MAST4: variants seen among roughly 807,000 people sequenced by gnomAD.
The protein encoded by MAST4 is microtubule associated serine/threonine kinase family member 4.
In MAST4, 89 loss-of-function variants were observed where a neutral mutation model predicts 162.7. That is an observed-to-expected ratio of 0.55 (90% CI 0.46 to 0.65). The LOEUF is 0.65. MAST4 is among the 30% of genes least tolerant of loss of function. MAST4 has a pLI of 0.00. For missense variants in MAST4, 3,153 were observed against 3,374.0 expected, an observed-to-expected ratio of 0.93 and a Z score of 1.62; for synonymous variants, 1,479 against 1,361.1, an observed-to-expected ratio of 1.09 and a Z score of -1.91.
At chr5:67,136,145 G>A (rs1769616868) in intron 18 of MAST4, among the ~76,000 whole-genome samples, 1 of 152,166 alleles carries the variant, frequency 6.6e-6, no homozygotes, top group East Asian at 1.9e-4. Context: ...GAAATTAAGA[G>A]AGAAAAATCT....
At chr5:66,619,569 A>T (rs1310512852) in intron 1 of MAST4, among the ~76,000 whole-genome samples, 1 of 152,160 alleles carries the variant, frequency 6.6e-6, no homozygotes, top group Admixed American at 6.5e-5. Context: ...GTGGCAAAGT[A>T]AGTTTGTTGA....
chr5:66,820,958 T>C (rs1209052080), intron 3 of MAST4, among the ~76,000 whole-genome samples: 1 of 152,192 alleles, frequency 6.6e-6, no homozygotes, highest in Non-Finnish European at 1.5e-5. Flanking sequence ...AAATCATGCA[T>C]GTTACGTTGT....
intron 1 of MAST4, among the ~76,000 whole-genome samples, chr5:66,729,239 C>T (rs1451701544): frequency 6.6e-6 from 1 of 152,086 alleles, no homozygotes; most frequent in Non-Finnish European, 1.5e-5. Context: ...AATAGTATAG[C>T]TTTTATTAAT....
chr5:66,821,086 C>T (rs1243718650), intron 3 of MAST4, among the ~76,000 whole-genome samples: 2 of 152,182 alleles, frequency 1.3e-5, no homozygotes, highest in African/African-American at 4.8e-5. Flanking sequence ...CTACTGATCC[C>T]ACCTGCAATT....
At chr5:66,947,480 C>T (rs898130699) in intron 4 of MAST4, among the ~76,000 whole-genome samples, 1 of 152,158 alleles carries the variant, frequency 6.6e-6, no homozygotes, top group African/African-American at 2.4e-5. Context: ...TAACAGTCTT[C>T]TCTGATTCTT....
intron 4 of MAST4, among the ~76,000 whole-genome samples, chr5:66,975,349 C>T (rs1158956077): frequency 4.6e-5 from 7 of 152,176 alleles, no homozygotes; most frequent in African/African-American, 1.4e-4. Flanking sequence ...CTTGTTTTTC[C>T]TGGGACCCTG....
chr5:67,006,437 A>G (rs942203897), intron 4 of MAST4, among the ~76,000 whole-genome samples: 1 of 152,206 alleles, frequency 6.6e-6, no homozygotes, highest in African/African-American at 2.4e-5. Flanking sequence ...CAACTAATAA[A>G]GTTGAAGAGA....
At chr5:66,745,640 G>A (rs760670982) in intron 1 of MAST4, among the ~76,000 whole-genome samples, 23 of 152,154 alleles carry the variant, frequency 1.5e-4, no homozygotes, top group Non-Finnish European at 2.4e-4. Context: ...AACAAGGTAA[G>A]GAAAATAATT....
At position 67,026,434 on chromosome 5, in the gene MAST4, T is replaced by TG. The variant is rs1453597901; in HGVS notation, c.675-27969dup. 3.3e-5 allele frequency among the ~76,000 whole-genome samples: 5 copies of TG among 152,330 alleles called. No homozygotes were observed. The South Asian group carries it at 8.3e-4, about 25-fold the overall frequency. ...TTAATTTGGGTACAGACTCACAGCC[T>TG]GATAGACTGGGGAGTAGAGCAAAGT... On this transcript the variant is annotated intron_variant, in intron 4 of 28. Transcript: ENST00000403625.
chr5:66,960,755 C>T (rs1423464), intron 4 of MAST4, among the ~76,000 whole-genome samples: 23,682 of 151,470 alleles, frequency 0.16, 3,158 homozygotes, highest in African/African-American at 0.36. Flanking sequence ...TCTTTCTTTT[C>T]TCAATCTTGT....
intron 1 of MAST4, among the ~76,000 whole-genome samples, chr5:66,738,763 C>G (rs1752313049): frequency 6.6e-6 from 1 of 152,206 alleles, no homozygotes; most frequent in African/African-American, 2.4e-5. Flanking sequence ...GAATACTCAG[C>G]TGCTGTCAGG....
At chr5:66,736,651 C>T (rs1752173697) in intron 1 of MAST4, among the ~76,000 whole-genome samples, 1 of 152,168 alleles carries the variant, frequency 6.6e-6, no homozygotes, top group Non-Finnish European at 1.5e-5. Context: ...CGTAGTTTTT[C>T]TGCAGTCCTG....
chr5:66,598,409 C>G (rs1339078593), intron 1 of MAST4, among the ~76,000 whole-genome samples: 2 of 152,214 alleles, frequency 1.3e-5, no homozygotes, highest in African/African-American at 4.8e-5. Context: ...CATTTTCACT[C>G]TCATACTCCT....
chr5:66,988,614 C>T (rs1749760427), intron 4 of MAST4, among the ~76,000 whole-genome samples: 1 of 152,156 alleles, frequency 6.6e-6, no homozygotes, highest in South Asian at 2.1e-4. Context: ...GGTTAAGTAA[C>T]TTATCCAAGA....
chr5:67,037,892 T>C (rs1312295144), intron 4 of MAST4, among the ~76,000 whole-genome samples: 2 of 152,012 alleles, frequency 1.3e-5, no homozygotes, highest in East Asian at 3.9e-4. Flanking sequence ...TTTTTAAAAC[T>C]AGAACACAAA....
chr5:66,701,553 A>C (rs1202040409), intron 1 of MAST4, among the ~76,000 whole-genome samples: 2 of 152,236 alleles, frequency 1.3e-5, no homozygotes, highest in African/African-American at 2.4e-5. Context: ...GAGTTTCTCA[A>C]GAGTTCAAAG....
intron 1 of MAST4, among the ~76,000 whole-genome samples, chr5:66,654,827 C>T (rs1746448210): frequency 6.6e-6 from 1 of 152,066 alleles, no homozygotes; most frequent in Non-Finnish European, 1.5e-5. Flanking sequence ...CTGGGATATG[C>T]TTTCTGTGAT....
At chr5:67,152,942 T>G in intron 25 of MAST4, 76 bp downstream of exon 25, 1 of 1,182,100 alleles carries the variant, frequency 8.5e-7, no homozygotes, top group Non-Finnish European at 1.2e-6. Flanking sequence ...GGCTGATAAA[T>G]AGCAAATATA....
At chr5:66,749,968 T>G (rs1473046602) in intron 1 of MAST4, among the ~76,000 whole-genome samples, 1 of 152,184 alleles carries the variant, frequency 6.6e-6, no homozygotes, top group Non-Finnish European at 1.5e-5. Flanking sequence ...GGTTGCCAAT[T>G]TGATTCTTTA....
Sources: gnomAD v4.1 joint callset for allele counts (sites outside exome capture counted in the v4.1 genomes callset) on GRCh38, gnomAD v4.1.1 for gene constraint, MANE v1.5 for transcripts, NCBI Gene and HGNC (gene_info 2026-07-23, HGNC 2026-07-21) for gene names.